TEX15: variants seen among roughly 807,000 people sequenced by gnomAD.
TEX15 encodes testis-expressed protein 15.
TEX15 carries 171 observed loss-of-function variants against 237.3 expected under a neutral mutation model. The observed-to-expected ratio is 0.72, with a 90% CI of 0.64 to 0.82. The LOEUF is 0.82. Ranked by LOEUF, TEX15 falls within the 40% of genes least tolerant of loss-of-function variation. The probability of loss-of-function intolerance (pLI) is 0.00; values close to 1 mark genes in which losing one functional copy is unlikely to be tolerated. For synonymous variants in TEX15, 1,338 were observed against 1,269.8 expected (o/e 1.05, Z -1.14); for missense variants, 3,750 against 3,646.5 (o/e 1.03, Z -0.73).
chr8:30,904,638 G>A (rs549323710), intron 1 of TEX15, among the ~76,000 whole-genome samples: 5 of 152,104 alleles, frequency 3.3e-5, no homozygotes, highest in South Asian at 2.1e-4. Flanking sequence ...GTTGTTTTCC[G>A]GTTAAAAACC....
chr8:30,850,420 G>T (rs932150617), intron 7 of TEX15, among the ~76,000 whole-genome samples: 2 of 151,992 alleles, frequency 1.3e-5, no homozygotes, highest in East Asian at 3.9e-4. Flanking sequence ...CCTAAAACAG[G>T]AATTAATGAT....
chr8:30,844,337 T>C lies in TEX15; in HGVS notation c.5830A>G (p.Ile1944Val). The change falls in exon 8 of 11, where the codon ATA becomes GTA. Residue 1944 changes from isoleucine to valine, a missense_variant. Coordinates refer to ENST00000643185, the MANE Select transcript of TEX15 (RefSeq NM_001350162.2). ...ATTCCTGGTTTGGAAATATAGGCTATTTCTGAATGTAATGTCAAGTCAGAC... is the reference window on the plus strand; with the variant it reads ...ATTCCTGGTTTGGAAATATAGGCTACTTCTGAATGTAATGTCAAGTCAGAC... The part of the protein sequence containing the change: ...SQSDLTLHSE[I>V]AYISKPGILG... 2.5e-6 allele frequency: 4 copies of C among 1,612,536 alleles called. No homozygotes were observed. Among genetic ancestry groups the C allele is most frequent in the Non-Finnish European group, 3.4e-6 (4 of 1,179,362 alleles).
At chr8:30,835,331 A>G (rs993634750) in intron 10 of TEX15, among the ~76,000 whole-genome samples, 1 of 151,912 alleles carries the variant, frequency 6.6e-6, no homozygotes, top group Non-Finnish European at 1.5e-5. Flanking sequence ...TGAGCTGCCC[A>G]CCTCCACCTC....
intron 7 of TEX15, among the ~76,000 whole-genome samples, chr8:30,850,911 A>G (rs749581894): frequency 1.1e-4 from 16 of 152,200 alleles, no homozygotes; most frequent in Non-Finnish European, 1.8e-4. Flanking sequence ...AAGATGCCCC[A>G]ACCCCACTAA....
At chr8:30,911,691 G>A (rs1386835281) in intron 1 of TEX15, among the ~76,000 whole-genome samples, 3 of 152,224 alleles carry the variant, frequency 2.0e-5, no homozygotes, top group African/African-American at 4.8e-5. Context: ...AAGTCTCCGA[G>A]TTGCCAGCGA....
At chr8:30,860,393 T>C (rs760223218) in intron 5 of TEX15, among the ~76,000 whole-genome samples, 1 of 150,422 alleles carries the variant, frequency 6.6e-6, no homozygotes, top group Non-Finnish European at 1.5e-5. Flanking sequence ...ATTATAGGCA[T>C]GAGCCACCGT....
chr8:30,906,323 C>A (rs1375805338), intron 1 of TEX15, among the ~76,000 whole-genome samples: 1 of 152,040 alleles, frequency 6.6e-6, no homozygotes, highest in African/African-American at 2.4e-5. Context: ...CAGTGGCTCA[C>A]GCCTGTAATC....
chr8:30,842,140 A>G lies in TEX15; in HGVS notation c.8027T>C (p.Met2676Thr). Residue 2676 changes from methionine to threonine, a missense_variant, in exon 8 of 11, where the codon ATG becomes ACG. By Grantham distance (81) the Met-to-Thr change is moderately conservative. Transcript: ENST00000643185. ...ENNNKFSIST[M>T]LPPVSECINK... The stretch of plus-strand genomic sequence containing the variant: ...TATGCACTCTGATACTGGGGGCAAC[A>G]TCGTAGAAATACTAAATTTATTGTT... The G allele has an allele frequency of 6.2e-7, 1 of 1,613,168 alleles. No individual in the cohort carries two copies. The highest frequency in any genetic ancestry group is 8.5e-7 in the Non-Finnish European group (1 of 1,179,626).
intron 7 of TEX15, among the ~76,000 whole-genome samples, chr8:30,854,604 A>G (rs1807866870): frequency 6.6e-6 from 1 of 152,090 alleles, no homozygotes; most frequent in Admixed American, 6.5e-5. Flanking sequence ...TTATTCCAAA[A>G]AATAAAAGAG....
chr8:30,887,209 T>C lies in TEX15; in HGVS notation c.94A>G (p.Lys32Glu). The C allele has an allele frequency of 6.5e-7, 1 of 1,535,702 alleles. No homozygotes were observed. The highest frequency in any genetic ancestry group is 8.7e-7 in the Non-Finnish European group (1 of 1,146,766). Residue 32 changes from lysine to glutamate, a missense_variant, in exon 3 of 11, where the codon AAG (lysine) becomes GAG (glutamate). By Grantham distance (56) the Lys-to-Glu change is moderately conservative. Transcript: ENST00000643185. ...VLNTREVNPLKKFTIPKIRRT... is the reference protein window; with the variant it reads ...VLNTREVNPLEKFTIPKIRRT... ...CTGATCTTAGGAATGGTGAATTTCT[T>C]CAAAGGATTGACTTCACGAGTATTC...
chr8:30,902,726 TTACTG>T (rs1809031047), intron 1 of TEX15, among the ~76,000 whole-genome samples: 1 of 152,210 alleles, frequency 6.6e-6, no homozygotes, highest in Non-Finnish European at 1.5e-5. Flanking sequence ...AAAATACAGA[TTACTG>T]GGTCCCACCT....
In TEX15 at chr8:30,837,480, G is replaced by C. The variant is rs1480927887; in HGVS notation, c.8804C>G (p.Thr2935Ser). The change falls in exon 10 of 11, where the codon ACT becomes AGT. Residue 2935 changes from threonine to serine, a missense_variant. Physicochemically the swap from Thr to Ser is moderately conservative, Grantham distance 58. Coordinates refer to ENST00000643185, the MANE Select transcript of TEX15 (RefSeq NM_001350162.2). ...NSSIKNSSCMTSPEPICIQNK... is the reference protein window; with the variant it reads ...NSSIKNSSCMSSPEPICIQNK... ...CTGGATACAGATGGGTTCTGGAGAA[G>C]TCATGCATGAGGAATTTTTAATAGA... is the stretch of plus-strand genomic sequence containing the variant. The C allele has an allele frequency of 6.2e-7, 1 of 1,613,814 alleles. No individual in the cohort carries two copies. The highest frequency in any genetic ancestry group is 2.2e-5 in the East Asian group (1 of 44,874).
Position 30,844,996 on chromosome 8 carries a change from G to A in TEX15, c.5171C>T (p.Ala1724Val), listed in dbSNP as rs986760837. 5 of 1,613,430 alleles carry A rather than the reference G, an allele frequency of 3.1e-6. No individual in the cohort carries two copies. Among genetic ancestry groups the A allele is most frequent in the Non-Finnish European group, 4.2e-6 (5 of 1,179,534 alleles). The change falls in exon 8 of 11, where the codon GCA becomes GTA. Residue 1724 changes from alanine (A) to valine (V), a missense_variant. Ala to Val is a moderately conservative substitution (Grantham distance 64). Transcript: ENST00000643185. ...KYSIPQLSAA[A>V]VTDSEGESSK... ...AGATTCTCCCTCACTATCTGTCACT[G>A]CAGCGGCTGATAACTGAGGAATACT...
intron 4 of TEX15, among the ~76,000 whole-genome samples, chr8:30,874,305 G>A (rs775149154): frequency 6.6e-6 from 1 of 152,164 alleles, no homozygotes; most frequent in Non-Finnish European, 1.5e-5. Context: ...TGGCAAAGGA[G>A]ACAAGTTAGA....
At chr8:30,873,412 G>A (rs1329754416) in intron 4 of TEX15, among the ~76,000 whole-genome samples, 1 of 152,002 alleles carries the variant, frequency 6.6e-6, no homozygotes, top group Non-Finnish European at 1.5e-5. Flanking sequence ...GTGTCTAAAC[G>A]GGAAATGGTC....
chr8:30,844,249 A>C lies in TEX15; in HGVS notation c.5918T>G (p.Leu1973Arg), dbSNP rs1266819169. 1 of 1,612,694 alleles carries C rather than the reference A, an allele frequency of 6.2e-7. No individual in the cohort carries two copies. Among genetic ancestry groups the C allele is most frequent in the Non-Finnish European group, 8.5e-7 (1 of 1,179,458 alleles). The change falls in exon 8 of 11, where the codon CTT (leucine) becomes CGT (arginine). Residue 1973 changes from leucine (L) to arginine (R), a missense_variant. By Grantham distance (102) the Leu-to-Arg change is moderately radical (BLOSUM62 -2). Transcript: ENST00000643185. ...CACGTATGACGCAGGTTTCTTCAGA[A>C]GAGTAGGGACTTTACAGGTTTCAGA... ...AHSETCKVPT[L>R]LKKPASYVSD...
In TEX15 at chr8:30,887,227, G is replaced by A. The variant is rs1205015385; in HGVS notation, c.76C>T (p.Arg26Cys). The A allele has an allele frequency of 1.7e-5, 26 of 1,535,694 alleles. No individual in the cohort carries two copies. Among genetic ancestry groups the A allele is most frequent in the African/African-American group, 9.6e-5 (7 of 73,012 alleles). ...AATTTCTTCAAAGGATTGACTTCAC[G>A]AGTATTCAACACGGGTTTGCTAGTT... The part of the protein sequence containing the change: ...SSTSKPVLNT[R>C]EVNPLKKFTI... Residue 26 changes from arginine to cysteine, a missense_variant, in exon 3 of 11, where the codon CGT becomes TGT. Transcript: ENST00000643185.
chr8:30,899,928 G>A (rs1177984630), intron 1 of TEX15, among the ~76,000 whole-genome samples: 1 of 151,936 alleles, frequency 6.6e-6, no homozygotes, highest in Admixed American at 6.6e-5. Flanking sequence ...GTGATTATAA[G>A]GTATATCTCT....
chr8:30,853,121 A>C (rs910058307), intron 7 of TEX15, among the ~76,000 whole-genome samples: 1 of 152,198 alleles, frequency 6.6e-6, no homozygotes, highest in African/African-American at 2.4e-5. Flanking sequence ...CTTTGATTAA[A>C]GCAATAAGCT....
Sources: allele counts gnomAD v4.1 joint callset (sites outside exome capture counted in the v4.1 genomes callset), GRCh38; gene constraint gnomAD v4.1.1; transcripts MANE v1.5; gene names NCBI Gene and HGNC (gene_info 2026-07-23, HGNC 2026-07-21).